The following DAB1 variants were observed in gnomAD, a reference collection of about 807,000 sequenced individuals.
DAB1 encodes DAB adaptor protein 1, also known as disabled homolog 1.
In DAB1, 15 loss-of-function variants were observed where a neutral mutation model predicts 64.6. That is an observed-to-expected ratio of 0.23 (90% CI 0.16 to 0.36). The LOEUF is 0.36. Among genes scored for constraint, DAB1 ranks in the 10% least tolerant of loss-of-function variants. The pLI is 1.00. For synonymous variants in DAB1, 235 were observed against 251.9 expected, an observed-to-expected ratio of 0.93 and a Z score of 0.64; for missense variants, 596 against 706.7, an observed-to-expected ratio of 0.84 and a Z score of 1.78.
intron 7 of DAB1, among the ~76,000 whole-genome samples, chr1:57,558,810 A>G (rs1281989473): frequency 1.3e-5 from 2 of 152,198 alleles, no homozygotes; most frequent in South Asian, 2.1e-4. Context: ...ATGTAGAGAA[A>G]GGGATCCAAA....
chr1:57,950,199 G>T (rs572335464), intron 5 of DAB1, among the ~76,000 whole-genome samples: 1 of 152,204 alleles, frequency 6.6e-6, no homozygotes, highest in East Asian at 1.9e-4. Context: ...TTTTAGCTGG[G>T]TTTAATACCT....
At chr1:57,800,896 T>C (rs914267269) in intron 6 of DAB1, among the ~76,000 whole-genome samples, 1 of 152,198 alleles carries the variant, frequency 6.6e-6, no homozygotes, top group Non-Finnish European at 1.5e-5. Flanking sequence ...TTTTAAAAAT[T>C]TTATGGATTC....
At chr1:57,168,058 G>C (rs568411588) in intron 2 of DAB1, among the ~76,000 whole-genome samples, 1 of 152,066 alleles carries the variant, frequency 6.6e-6, no homozygotes, top group Non-Finnish European at 1.5e-5. Context: ...CTAAAATGTC[G>C]TAACAGTCAC....
intron 5 of DAB1, among the ~76,000 whole-genome samples, chr1:57,907,762 C>T (rs1312005394): frequency 1.3e-5 from 2 of 151,860 alleles, no homozygotes; most frequent in East Asian, 1.9e-4. Context: ...TAAAGTCACG[C>T]GTTGCTTAAC....
intron 4 of DAB1, among the ~76,000 whole-genome samples, chr1:58,208,204 G>A (rs1658376790): frequency 6.6e-6 from 1 of 152,084 alleles, no homozygotes; most frequent in African/African-American, 2.4e-5. Flanking sequence ...ATTTGGGTAG[G>A]GATACAGCCA....
chr1:58,022,312 C>T (rs1296979958), intron 5 of DAB1, among the ~76,000 whole-genome samples: 1 of 152,162 alleles, frequency 6.6e-6, no homozygotes, highest in East Asian at 1.9e-4. Context: ...GTATGCAAGA[C>T]AGAAATGCAA....
chr1:57,729,338 C>T (rs1203991526), intron 6 of DAB1, among the ~76,000 whole-genome samples: 1 of 152,220 alleles, frequency 6.6e-6, no homozygotes, highest in Admixed American at 6.5e-5. Flanking sequence ...CATCCCTGAG[C>T]TCACAGGGTG....
chr1:57,410,630 G>A (rs989194988), intron 1 of DAB1, among the ~76,000 whole-genome samples: 8 of 152,100 alleles, frequency 5.3e-5, no homozygotes, highest in Admixed American at 3.3e-4. Flanking sequence ...ACTCCTAGCC[G>A]TGTTGATTTA....
At chr1:57,793,382 A>T (rs1390972981) in intron 6 of DAB1, among the ~76,000 whole-genome samples, 1 of 152,186 alleles carries the variant, frequency 6.6e-6, no homozygotes, top group Non-Finnish European at 1.5e-5. Flanking sequence ...TCTCAGAGGA[A>T]GGTGCCATAG....
At chr1:58,200,607 T>C (rs1657943007) in intron 4 of DAB1, among the ~76,000 whole-genome samples, 1 of 151,406 alleles carries the variant, frequency 6.6e-6, no homozygotes, top group Admixed American at 6.6e-5. Context: ...ATCATGATTA[T>C]ATAAATCACT....
intron 6 of DAB1, among the ~76,000 whole-genome samples, chr1:57,752,159 T>C (rs1337659599): frequency 6.6e-6 from 1 of 152,254 alleles, no homozygotes; most frequent in African/African-American, 2.4e-5. Flanking sequence ...TCCGCTCATA[T>C]AATTTCTGGT....
chr1:57,691,614 A>T (rs1646765302), intron 6 of DAB1, among the ~76,000 whole-genome samples: 1 of 152,134 alleles, frequency 6.6e-6, no homozygotes, highest in Admixed American at 6.6e-5. Flanking sequence ...AGTCAGTGAG[A>T]CCATGAACTC....
At chr1:57,767,933 T>C (rs1373015578) in intron 6 of DAB1, among the ~76,000 whole-genome samples, 1 of 151,970 alleles carries the variant, frequency 6.6e-6, no homozygotes, top group East Asian at 1.9e-4. Flanking sequence ...TCCCAGCATT[T>C]TGGGAGGCTG....
At chr1:57,984,822 G>GTTCA (rs556811137) in intron 5 of DAB1, among the ~76,000 whole-genome samples, 71 of 152,272 alleles carry the variant, frequency 4.7e-4, no homozygotes, top group African/African-American at 1.6e-3. Flanking sequence ...AGAGCATAGA[G>GTTCA]TTCAATAAAG....
intron 13 of DAB1, 57 bp from the exon 14 acceptor site, chr1:57,010,847 T>G: frequency 7.8e-7 from 1 of 1,281,456 alleles, no homozygotes; most frequent in Non-Finnish European, 1.1e-6. Flanking sequence ...ATTGAAAATA[T>G]AAGACACCTG....
At chr1:57,680,479 G>A (rs985023210) in intron 6 of DAB1, among the ~76,000 whole-genome samples, 1 of 152,172 alleles carries the variant, frequency 6.6e-6, no homozygotes, top group African/African-American at 2.4e-5. Context: ...TCCATTGTTT[G>A]TAGGCCGCCC....
intron 7 of DAB1, among the ~76,000 whole-genome samples, chr1:57,553,378 A>AG (rs1558486821): frequency 1.8e-4 from 1 of 5,684 alleles, no homozygotes; most frequent in Non-Finnish European, 4.2e-3. Flanking sequence ...GGAAGGAAGG[A>AG]AGAAAGAGAA....
chr1:58,069,419 T>C (rs570170579), intron 5 of DAB1, among the ~76,000 whole-genome samples: 2 of 152,348 alleles, frequency 1.3e-5, no homozygotes, highest in African/African-American at 4.8e-5. Context: ...TTGTCTACCA[T>C]AATTAGCATA....
chr1:57,348,491 T>G (rs1678301604), intron 1 of DAB1, among the ~76,000 whole-genome samples: 1 of 152,212 alleles, frequency 6.6e-6, no homozygotes, highest in African/African-American at 2.4e-5. Context: ...TACCAGATGC[T>G]AACTGTGTTT....
Sources: allele counts gnomAD v4.1 joint callset (sites outside exome capture counted in the v4.1 genomes callset), GRCh38; gene constraint gnomAD v4.1.1; transcripts MANE v1.5; gene names NCBI Gene and HGNC (gene_info 2026-07-23, HGNC 2026-07-21).